Variants in CHRNE observed in about 807,000 individuals in gnomAD.
CHRNE encodes the protein acetylcholine receptor subunit epsilon.
A neutral mutation model predicts 56.5 loss-of-function variants in CHRNE; 58 were observed. The ratio of observed to expected loss-of-function variants is 1.03; its 90% CI spans 0.83 to 1.28. The LOEUF (loss-of-function observed/expected upper bound fraction) is 1.28, where lower values mean the gene tolerates loss of function less well. Among genes scored for constraint, CHRNE ranks in the 50% most tolerant of loss-of-function variants. The pLI, the probability that CHRNE is intolerant of heterozygous loss-of-function variation, is 0.00. For missense variants in CHRNE, 793 were observed against 688.9 expected (o/e 1.15, Z -1.69); for synonymous variants, 385 against 297.9 (o/e 1.29, Z -3.01).
upstream of CHRNE, among the ~76,000 whole-genome samples, chr17:4,905,187 CTA>C (rs1335059677): frequency 1.3e-5 from 2 of 152,294 alleles, no homozygotes; most frequent in African/African-American, 4.8e-5. Flanking sequence ...TGATGCCAGA[CTA>C]TGAGAAGCAT....
At position 4,902,899 on chromosome 17, in the gene CHRNE, T is replaced by A; in HGVS notation, c.46+119A>T. 1 of 1,582,656 alleles carries A rather than the reference T, an allele frequency of 6.3e-7. No individual in the cohort carries two copies. Among genetic ancestry groups the A allele is most frequent in the South Asian group, 1.1e-5 (1 of 90,370 alleles). ...TATCTGTCTCCTAAACCAATTATGC[T>A]GTGCCTGGGAACGAAATACTGTGTC... On this transcript the variant is annotated intron_variant, in intron 1 of 11. Coordinates refer to ENST00000649488, the MANE Select transcript of CHRNE (RefSeq NM_000080.4). The surrounding 1 kb of genome is among the most constrained non-coding windows in gnomAD (Gnocchi z 4.0).
At chr17:4,901,892 C>CCCT (rs386794777) in intron 5 of CHRNE, 40 bp downstream of exon 5, 1 of 1,606,672 alleles carries the variant, frequency 6.2e-7, no homozygotes, top group African/African-American at 1.4e-5. Flanking sequence ...AGGCCCCCCC[C>CCCT]CAACAATAAT....
chr17:4,907,036 C>A (rs1486391842), upstream of CHRNE, among the ~76,000 whole-genome samples: 1 of 151,954 alleles, frequency 6.6e-6, no homozygotes, highest in African/African-American at 2.4e-5. Context: ...AGGATGGTTA[C>A]CAGAGGCTGG....
chr17:4,901,869 G>C, intron 5 of CHRNE, 63 bp downstream of exon 5: 2 of 1,541,696 alleles, frequency 1.3e-6, no homozygotes, highest in Non-Finnish European at 1.8e-6. Flanking sequence ...TTCCCGGTTG[G>C]CCCCGCCCCA....
chr17:4,900,749 C>A (rs1027597321), intron 8 of CHRNE, 44 bp downstream of exon 8: 1 of 1,577,106 alleles, frequency 6.3e-7, no homozygotes, highest in Non-Finnish European at 8.7e-7. Context: ...GCCACGCCCC[C>A]ACCCTTCACA....
At position 4,899,333 on chromosome 17, in the gene CHRNE, C is replaced by T; in HGVS notation, c.1084G>A (p.Ala362Thr). 6.4e-7 allele frequency: 1 copy of T among 1,553,692 alleles called. No homozygotes were observed. The highest frequency in any genetic ancestry group is 8.6e-7 in the Non-Finnish European group (1 of 1,156,506). Residue 362 changes from alanine (A) to threonine (T), a missense_variant, in exon 10 of 12, where the codon GCC becomes ACC. Transcript: ENST00000649488. The stretch of plus-strand genomic sequence containing the variant: ...CTTGGGGGCGAGGCGGCCCGGGGGG[C>T]CTCGGGCGGCGGCGGGGAGCCCAGG... ...RLLGSPPPPE[A>T]PRAASPPRRA...
chr17:4,900,919 G>A lies in CHRNE; in HGVS notation c.803-12C>T. 6 of 1,614,104 alleles carry A rather than the reference G, an allele frequency of 3.7e-6. No homozygotes were observed. Among genetic ancestry groups the A allele is most frequent in the Non-Finnish European group, 5.1e-6 (6 of 1,179,964 alleles). On this transcript the variant is annotated splice_polypyrimidine_tract_variant and intron_variant, in intron 7 of 11. Coordinates refer to ENST00000649488, the MANE Select transcript of CHRNE (RefSeq NM_000080.4). ...TTTCTGGCCGCCGGCTGGAGGGAGA[G>A]CCAGTGAGAGCGGGCCCCGCCTCCC... is the stretch of plus-strand genomic sequence containing the variant.
At position 4,901,170 on chromosome 17, in the gene CHRNE, C is replaced by T. The variant is rs772616743; in HGVS notation, c.622G>A (p.Asp208Asn). Reference protein sequence around the residue: ...AYTENGEWAIDFCPGVIRRHH... With the variant: ...AYTENGEWAINFCPGVIRRHH... ...CGGCGGATCACCCCCGGGCAGAAGT[C>T]GATGGCCCACTCGCCGTTCTCTGCG... Residue 208 changes from aspartate (D) to asparagine (N), a missense_variant, in exon 7 of 12, where the codon GAC (aspartate) becomes AAC (asparagine). Transcript: ENST00000649488. 8 of 1,606,990 alleles carry T rather than the reference C, an allele frequency of 5.0e-6. No individual in the cohort carries two copies. The highest frequency in any genetic ancestry group is 3.3e-5 in the South Asian group (3 of 91,052).
intron 8 of CHRNE, chr17:4,900,022 G>A (rs1567637632): frequency 3.9e-6 from 6 of 1,551,386 alleles, no homozygotes; most frequent in African/African-American, 1.4e-5. Flanking sequence ...TCAGAGAGCT[G>A]AAGTCCCTGG....
upstream of CHRNE, among the ~76,000 whole-genome samples, chr17:4,906,838 T>C (rs1033984831): frequency 6.6e-6 from 1 of 151,948 alleles, no homozygotes; most frequent in African/African-American, 2.4e-5. Flanking sequence ...GTGGTACATA[T>C]ACACAATGGA....
chr17:4,900,021 T>C (rs1400969234), intron 8 of CHRNE: 1 of 1,551,490 alleles, frequency 6.4e-7, no homozygotes, highest in Non-Finnish European at 8.7e-7. Context: ...TTCAGAGAGC[T>C]GAAGTCCCTG....
upstream of CHRNE, among the ~76,000 whole-genome samples, chr17:4,904,642 T>C (rs969412102): frequency 5.3e-5 from 8 of 152,152 alleles, no homozygotes; most frequent in African/African-American, 1.9e-4. Context: ...GGATCCAGGG[T>C]CACACAAGTA....
chr17:4,907,162 T>A (rs926846342), upstream of CHRNE, among the ~76,000 whole-genome samples: 57 of 151,792 alleles, frequency 3.8e-4, no homozygotes, highest in African/African-American at 1.3e-3. Context: ...AATAATTTCA[T>A]TGTACATGTT....
chr17:4,908,106 G>C (rs1360160284), intron 1 of CHRNE, among the ~76,000 whole-genome samples: 1 of 152,184 alleles, frequency 6.6e-6, no homozygotes, highest in African/African-American at 2.4e-5. Flanking sequence ...GGCAGTCAGA[G>C]GTTGCGGTGA....
At chr17:4,905,836 G>A (rs1023969119), upstream of CHRNE, among the ~76,000 whole-genome samples, 3 of 152,152 alleles carry the variant, frequency 2.0e-5, no homozygotes, top group East Asian at 1.9e-4. Flanking sequence ...ACTCCAGCCC[G>A]GGTGACAGAG....
chr17:4,899,115 G>A lies in CHRNE; in HGVS notation c.1220-8C>T. 3.1e-6 allele frequency: 5 copies of A among 1,605,460 alleles called. No homozygotes were observed. The highest frequency in any genetic ancestry group is 4.2e-6 in the Non-Finnish European group (5 of 1,177,616). On this transcript the variant is annotated splice_polypyrimidine_tract_variant and splice_region_variant and intron_variant, in intron 10 of 11. Transcript: ENST00000649488. ...GGCTCTGGCAGAAGGCAGCTGGCGGGGAAAACACCGGGGTGGGCCTTAGGA... is the reference window on the plus strand; with the variant it reads ...GGCTCTGGCAGAAGGCAGCTGGCGGAGAAAACACCGGGGTGGGCCTTAGGA...
In CHRNE at chr17:4,900,828, G is replaced by A. The variant is rs1395761057; in HGVS notation, c.882C>T (p.Ile294=). 6.2e-7 allele frequency: 1 copy of A among 1,614,184 alleles called. No individual in the cohort carries two copies. Among genetic ancestry groups the A allele is most frequent in the East Asian group, 2.2e-5 (1 of 44,888 alleles). The change falls in exon 8 of 12, where the codon ATC becomes ATT. Residue 294 remains isoleucine (I), a synonymous_variant. Transcript: ENST00000649488. ...TVFLFLIAQK[I]PETSLSVPLL... is the part of the protein sequence containing the mutation. ...GCGGCACGCTCAGAGAAGTCTCTGG[G>A]ATTTTCTGGGCAATGAGGAACAAGA...
chr17:4,906,672 G>A (rs1970096054), upstream of CHRNE, among the ~76,000 whole-genome samples: 1 of 151,996 alleles, frequency 6.6e-6, no homozygotes, highest in Non-Finnish European at 1.5e-5. Context: ...GGGCAATATA[G>A]TGAGACCTCA....
upstream of CHRNE, among the ~76,000 whole-genome samples, chr17:4,903,328 C>T (rs898773332): frequency 2.6e-5 from 4 of 151,972 alleles, no homozygotes; most frequent in African/African-American, 7.3e-5. Flanking sequence ...CAGATGTGGG[C>T]GTCTCCTGAG....
Sources: gnomAD v4.1 joint callset for allele counts (sites outside exome capture counted in the v4.1 genomes callset) on GRCh38, gnomAD v4.1.1 for gene constraint, Gnocchi (gnomAD v3.1) non-coding constraint, MANE v1.5 for transcripts, NCBI Gene and HGNC (gene_info 2026-07-23, HGNC 2026-07-21) for gene names.